Variants in ADK observed in about 807,000 individuals in gnomAD.
ADK encodes N6,N6-dimethyladenosine kinase.
A neutral mutation model predicts 44.7 loss-of-function variants in ADK; 24 were observed. The ratio of observed to expected loss-of-function variants is 0.54; its 90% CI spans 0.39 to 0.76. ADK has a LOEUF of 0.76. Among genes scored for constraint, ADK ranks in the 30% least tolerant of loss-of-function variants. ADK has a pLI of 0.00. For missense variants in ADK, 321 were observed against 425.1 expected, an observed-to-expected ratio of 0.76 and a Z score of 2.15; for synonymous variants, 128 against 142.6, an observed-to-expected ratio of 0.90 and a Z score of 0.73.
intron 7 of ADK, among the ~76,000 whole-genome samples, chr10:74,555,571 A>T (rs946944582): frequency 4.0e-5 from 6 of 151,264 alleles, no homozygotes; most frequent in Admixed American, 1.3e-4. Context: ...TGATCATCCC[A>T]TTGCACTCTA....
intron 10 of ADK, among the ~76,000 whole-genome samples, chr10:74,674,228 A>T (rs775511144): frequency 6.6e-6 from 1 of 152,182 alleles, no homozygotes; most frequent in Non-Finnish European, 1.5e-5. Context: ...CAACTGATGC[A>T]TCTATCTTAC....
Position 74,274,732 on chromosome 10 carries a change from G to GTGTATATA in ADK, c.195-39934_195-39933insGTATATAT, listed in dbSNP as rs1554836801. 2.6e-3 allele frequency among the ~76,000 whole-genome samples: 218 copies of GTGTATATA among 84,184 alleles called. 13 individuals carry two copies. The highest frequency in any genetic ancestry group is 8.0e-3 in the African/African-American group (183 of 22,998). 55.2% of individuals were successfully genotyped at this position (84,184 alleles called of 152,430 possible). ...TAGTAGGAGAAAAATTTTAATGTGT[G>GTGTATATA]TATATATATATATATACACACACAC... is the stretch of plus-strand genomic sequence containing the variant. On this transcript the variant is annotated intron_variant, in intron 3 of 10. Transcript: ENST00000539909.
intron 10 of ADK, among the ~76,000 whole-genome samples, chr10:74,696,436 G>C (rs923333522): frequency 6.6e-6 from 1 of 151,512 alleles, no homozygotes; most frequent in African/African-American, 2.4e-5. Context: ...CCCGATCTCG[G>C]CTCACTGCAA....
chr10:74,369,633 A>G (rs1383050143), intron 4 of ADK, among the ~76,000 whole-genome samples: 2 of 152,174 alleles, frequency 1.3e-5, no homozygotes, highest in African/African-American at 4.8e-5. Flanking sequence ...GATAGAGAGG[A>G]ACTTCCTCAA....
intron 6 of ADK, among the ~76,000 whole-genome samples, chr10:74,511,891 A>G (rs1446625953): frequency 1.3e-5 from 2 of 152,136 alleles, no homozygotes; most frequent in African/African-American, 4.8e-5. Flanking sequence ...TCTTAGAGGA[A>G]ATGCTTTCAG....
chr10:74,367,693 T>A (rs142895773), intron 4 of ADK, among the ~76,000 whole-genome samples: 2,522 of 152,354 alleles, frequency 0.017, 56 homozygotes, highest in Non-Finnish European at 0.024. Context: ...AAGGTGATGG[T>A]TTGCCTTGTT....
intron 7 of ADK, among the ~76,000 whole-genome samples, chr10:74,573,386 G>T (rs537067332): frequency 1.7e-3 from 255 of 152,266 alleles, no homozygotes; most frequent in African/African-American, 5.8e-3. Flanking sequence ...AGGAGTGCCC[G>T]GCCGTGTGAG....
chr10:74,177,526 T>G (rs189236495), intron 1 of ADK, among the ~76,000 whole-genome samples: 1 of 152,266 alleles, frequency 6.6e-6, no homozygotes, highest in African/African-American at 2.4e-5. Flanking sequence ...CTCTTCCAGT[T>G]TGGAAGGTTC....
chr10:74,608,419 G>A (rs1450057461), intron 9 of ADK, among the ~76,000 whole-genome samples: 1 of 152,098 alleles, frequency 6.6e-6, no homozygotes, highest in African/African-American at 2.4e-5. Context: ...GGGTTTTTGT[G>A]TGGACATCCT....
chr10:74,377,841 G>A (rs979978389), intron 4 of ADK, among the ~76,000 whole-genome samples: 5 of 152,158 alleles, frequency 3.3e-5, no homozygotes, highest in East Asian at 1.9e-4. Flanking sequence ...GGGAAACTTC[G>A]TTTTTAAAGT....
In ADK at chr10:74,670,189, A is replaced by G; in HGVS notation, c.884A>G (p.Glu295Gly). The change falls in exon 10 of 11, where the codon GAA becomes GGA. Residue 295 changes from glutamate to glycine, a missense_variant. By Grantham distance (98) the Glu-to-Gly change is moderately conservative (BLOSUM62 -2). Coordinates refer to ENST00000539909, the MANE Select transcript of ADK (RefSeq NM_006721.4). Reference protein sequence around the residue: ...RDDTIMATESEVTAFAVLDQD... With the variant: ...RDDTIMATESGVTAFAVLDQD... ...TCTTTGGCTCTAATTGCAGAAAGTG[A>G]AGTCACTGCTTTTGCTGTCTTGGAT... is the stretch of plus-strand genomic sequence containing the variant. 2 of 1,613,698 alleles carry G rather than the reference A, an allele frequency of 1.2e-6. No homozygotes were observed. The highest frequency in any genetic ancestry group is 1.7e-6 in the Non-Finnish European group (2 of 1,179,716).
chr10:74,188,493 C>T (rs1842845703), intron 1 of ADK, among the ~76,000 whole-genome samples: 1 of 151,466 alleles, frequency 6.6e-6, no homozygotes, highest in Admixed American at 6.6e-5. Flanking sequence ...GGACTACCGG[C>T]ACCCGCCACC....
chr10:74,372,409 G>T, intron 4 of ADK: 1 of 693,034 alleles, frequency 1.4e-6, no homozygotes, highest in East Asian at 2.6e-5. Context: ...AACACTGAAA[G>T]GTCTTAAGCT....
intron 6 of ADK, among the ~76,000 whole-genome samples, chr10:74,489,534 A>G (rs1847396100): frequency 6.6e-6 from 1 of 151,996 alleles, no homozygotes; most frequent in African/African-American, 2.4e-5. Context: ...TTGCATTTCA[A>G]TTAAATTCTG....
chr10:74,238,687 T>G (rs896983174), intron 3 of ADK, among the ~76,000 whole-genome samples: 3 of 152,120 alleles, frequency 2.0e-5, no homozygotes, highest in African/African-American at 7.2e-5. Flanking sequence ...TGGGAAATAT[T>G]GTTTCTTTTT....
chr10:74,351,572 A>G (rs1180616261), intron 4 of ADK, among the ~76,000 whole-genome samples: 2 of 152,158 alleles, frequency 1.3e-5, no homozygotes, highest in Admixed American at 6.5e-5. Flanking sequence ...GACTAGAGCA[A>G]TCTGGCAAGA....
At chr10:74,703,525 G>A (rs1272765907) in intron 10 of ADK, among the ~76,000 whole-genome samples, 3 of 151,970 alleles carry the variant, frequency 2.0e-5, no homozygotes, top group African/African-American at 7.3e-5. Context: ...GGTGAGGTAA[G>A]TTATGACTAT....
intron 7 of ADK, among the ~76,000 whole-genome samples, chr10:74,580,088 T>C (rs999076247): frequency 6.6e-6 from 1 of 152,172 alleles, no homozygotes; most frequent in Non-Finnish European, 1.5e-5. Context: ...GTTAGGGCCA[T>C]TAGAGTAGCC....
chr10:74,308,786 G>A (rs1840338607), intron 3 of ADK, among the ~76,000 whole-genome samples: 1 of 152,120 alleles, frequency 6.6e-6, no homozygotes, highest in South Asian at 2.1e-4. Flanking sequence ...CTGTGCTGAT[G>A]TTAACACAAC....
Sources: gnomAD v4.1 joint callset for allele counts (sites outside exome capture counted in the v4.1 genomes callset) on GRCh38, gnomAD v4.1.1 for gene constraint, MANE v1.5 for transcripts, NCBI Gene and HGNC (gene_info 2026-07-23, HGNC 2026-07-21) for gene names.